RAP1GAP2: variants seen among roughly 807,000 people sequenced by gnomAD.
RAP1GAP2 encodes rap1 GTPase-activating protein 2.
Under a neutral mutation model 95.0 loss-of-function variants are expected in RAP1GAP2, and 27 were observed. The observed-to-expected ratio is 0.28, with a 90% confidence interval of 0.21 to 0.39. The LOEUF (loss-of-function observed/expected upper bound fraction) is 0.39, where lower values mean the gene tolerates loss of function less well. Ranked by LOEUF, RAP1GAP2 falls within the 10% of genes least tolerant of loss-of-function variation. The pLI is 1.00. For missense variants in RAP1GAP2, 771 were observed against 970.0 expected (o/e 0.79, Z 2.72); for synonymous variants, 373 against 380.9 (o/e 0.98, Z 0.24).
chr17:2,987,518 C>T lies in RAP1GAP2; in HGVS notation c.813+2452C>T, dbSNP rs567758904. ...CTGGGATTACAGGCAGGCACCACCA[C>T]GCCCAGCTAATTTTGTATTTTTAGT... is the stretch of plus-strand genomic sequence containing the variant. On this transcript the variant is annotated intron_variant, in intron 11 of 24. Transcript: ENST00000254695. Among the ~76,000 whole-genome samples the T allele has an allele frequency of 4.7e-4, 72 of 152,124 alleles. 2 individuals carry two copies. Among genetic ancestry groups the T allele is most frequent in the South Asian group, 4.2e-3 (20 of 4,814 alleles).
rs72819281 is a variant in RAP1GAP2, at chr17:2,905,207, G to A, written c.81-77G>A. The A allele has an allele frequency of 9.6e-3, 13,209 of 1,373,384 alleles. 83 individuals are homozygous for A. Among genetic ancestry groups the A allele is most frequent in the Non-Finnish European group, 0.011 (10,660 of 977,950 alleles). The allele number at this position is 1,373,384 out of a possible 1,614,324, so 85.1% of individuals were successfully genotyped here. Reference sequence around the variant, plus strand: ...CTGCATTGTATGTTAAACTGTGTCCGAGAGCCCAGTCACTCTTGGAGGAGA... The same window carrying A: ...CTGCATTGTATGTTAAACTGTGTCCAAGAGCCCAGTCACTCTTGGAGGAGA... On this transcript the variant is annotated intron_variant, in intron 2 of 24. Transcript: ENST00000254695.
chr17:2,812,715 C>T (rs1206216204), intron 2 of RAP1GAP2, among the ~76,000 whole-genome samples: 2 of 152,054 alleles, frequency 1.3e-5, no homozygotes, highest in Non-Finnish European at 1.5e-5. Context: ...GCCGGCTGGG[C>T]GCAGTGGCTC....
intron 2 of RAP1GAP2, among the ~76,000 whole-genome samples, chr17:2,850,698 C>T (rs1488325468): frequency 4.2e-5 from 6 of 142,588 alleles, no homozygotes; most frequent in Non-Finnish European, 6.0e-5. Flanking sequence ...TGCAGTGAGC[C>T]AAGATCTTGC....
chr17:2,803,652 G>A (rs533284359), intron 2 of RAP1GAP2, among the ~76,000 whole-genome samples: 16 of 152,352 alleles, frequency 1.1e-4, no homozygotes, highest in African/African-American at 3.1e-4. Context: ...GTCGAGGCAC[G>A]TGGATCATTT....
intron 2 of RAP1GAP2, among the ~76,000 whole-genome samples, chr17:2,858,142 G>T (rs1412863283): frequency 6.6e-6 from 1 of 152,142 alleles, no homozygotes; most frequent in Non-Finnish European, 1.5e-5. Flanking sequence ...AAGTCACTGT[G>T]GCCTTGGGTG....
intron 2 of RAP1GAP2, among the ~76,000 whole-genome samples, chr17:2,849,403 G>A (rs1327040721): frequency 3.3e-5 from 5 of 152,306 alleles, no homozygotes; most frequent in African/African-American, 9.6e-5. Flanking sequence ...TCTGACGAGG[G>A]GCACGGGGAT....
chr17:2,890,978 G>A (rs949193974), intron 2 of RAP1GAP2, among the ~76,000 whole-genome samples: 5 of 151,688 alleles, frequency 3.3e-5, no homozygotes, highest in Non-Finnish European at 5.9e-5. Flanking sequence ...GAGCCACCAC[G>A]CCCGACCAAT....
chr17:2,889,885 A>T (rs1404618092), intron 2 of RAP1GAP2, among the ~76,000 whole-genome samples: 150 of 44,840 alleles, frequency 3.3e-3, no homozygotes, highest in African/African-American at 0.011. Flanking sequence ...ATATATATAT[A>T]TATATTTTTT....
upstream of RAP1GAP2, chr17:2,796,413 G>T: frequency 2.5e-6 from 3 of 1,208,702 alleles, no homozygotes; most frequent in Non-Finnish European, 3.6e-6. The surrounding 1 kb of genome is among the most constrained non-coding windows in gnomAD (Gnocchi z 4.7). Flanking sequence ...GAGGTGCCAC[G>T]CTGGGCTCCC....
chr17:2,876,089 C>T (rs2073086330), intron 2 of RAP1GAP2, among the ~76,000 whole-genome samples: 2 of 151,780 alleles, frequency 1.3e-5, no homozygotes, highest in African/African-American at 4.8e-5. Flanking sequence ...AGGCACCCGC[C>T]CCCACGCCCG....
At chr17:2,910,412 A>T (rs1567767900) in intron 3 of RAP1GAP2, among the ~76,000 whole-genome samples, 1 of 152,120 alleles carries the variant, frequency 6.6e-6, no homozygotes. Context: ...ATTATAGCAC[A>T]CTGAGGCCAG....
intron 3 of RAP1GAP2, among the ~76,000 whole-genome samples, chr17:2,918,064 C>T (rs2042627537): frequency 6.6e-6 from 1 of 151,906 alleles, no homozygotes; most frequent in Admixed American, 6.6e-5. Context: ...TCTCAGTTTC[C>T]TCATTTGTAG....
At chr17:3,012,833 G>A (rs2046608223) in intron 17 of RAP1GAP2, among the ~76,000 whole-genome samples, 1 of 152,130 alleles carries the variant, frequency 6.6e-6, no homozygotes, top group Admixed American at 6.5e-5. Context: ...CTGATCTCTA[G>A]ACCATTTTCC....
At chr17:2,849,613 C>T (rs1004725225) in intron 2 of RAP1GAP2, among the ~76,000 whole-genome samples, 1 of 152,214 alleles carries the variant, frequency 6.6e-6, no homozygotes, top group Non-Finnish European at 1.5e-5. Context: ...CCCACCCAGG[C>T]CCCCTCAGCC....
chr17:2,943,506 C>G (rs2043583686), intron 3 of RAP1GAP2, among the ~76,000 whole-genome samples: 1 of 151,818 alleles, frequency 6.6e-6, no homozygotes, highest in South Asian at 2.1e-4. Context: ...AATCCTGTCT[C>G]TACTAAAAAT....
intron 2 of RAP1GAP2, among the ~76,000 whole-genome samples, chr17:2,869,312 A>G (rs2072746658): frequency 6.6e-6 from 1 of 151,918 alleles, no homozygotes; most frequent in Non-Finnish European, 1.5e-5. Flanking sequence ...GGGAAAGAGA[A>G]TTTTTGTTGA....
At chr17:2,895,096 C>A (rs567602666) in intron 2 of RAP1GAP2, among the ~76,000 whole-genome samples, 120 of 152,354 alleles carry the variant, frequency 7.9e-4, no homozygotes, top group Non-Finnish European at 1.5e-3. Flanking sequence ...TTCCTTCAAG[C>A]GGCTCAGGTG....
intron 8 of RAP1GAP2, among the ~76,000 whole-genome samples, chr17:2,969,056 A>C (rs1026362374): frequency 6.6e-6 from 1 of 152,056 alleles, no homozygotes; most frequent in South Asian, 2.1e-4. Flanking sequence ...AAATTCACAG[A>C]ATACAATTGT....
intron 3 of RAP1GAP2, among the ~76,000 whole-genome samples, chr17:2,919,501 A>T (rs1175307809): frequency 1.3e-5 from 2 of 152,174 alleles, no homozygotes; most frequent in African/African-American, 4.8e-5. Context: ...GCTGATATTA[A>T]AATGAGTCTG....
Sources: gnomAD v4.1 joint callset for allele counts (sites outside exome capture counted in the v4.1 genomes callset) on GRCh38, gnomAD v4.1.1 for gene constraint, Gnocchi (gnomAD v3.1) non-coding constraint, MANE v1.5 for transcripts, NCBI Gene and HGNC (gene_info 2026-07-23, HGNC 2026-07-21) for gene names.